The following SLC35F3 variants were observed in gnomAD, a reference collection of about 807,000 sequenced individuals.
The protein encoded by SLC35F3 is putative thiamine transporter SLC35F3.
A neutral mutation model predicts 49.9 loss-of-function variants in SLC35F3; 25 were observed. The ratio of observed to expected loss-of-function variants is 0.50; its 90% CI spans 0.37 to 0.70. The LOEUF is 0.70. Among genes scored for constraint, SLC35F3 ranks in the 30% least tolerant of loss-of-function variants. The probability of loss-of-function intolerance (pLI) is 0.00; values close to 1 mark genes in which losing one functional copy is unlikely to be tolerated. For missense variants in SLC35F3, 525 were observed against 639.8 expected (o/e 0.82, Z 1.94); for synonymous variants, 275 against 265.4 (o/e 1.04, Z -0.35).
rs570753975 is a variant in SLC35F3, at chr1:234,110,506, A to C, written c.284-120911A>C. Among the ~76,000 whole-genome samples the C allele has an allele frequency of 3.3e-5, 5 of 152,268 alleles. 1 individual carries two copies. In the South Asian group the frequency reaches 6.2e-4, roughly 19 times the overall value. On this transcript the variant is annotated intron_variant, in intron 2 of 7. Coordinates refer to ENST00000366618, the MANE Select transcript of SLC35F3 (RefSeq NM_173508.4). ...GTCTTATACACAGTAGGTGTTCAATAAACATTTGCTGAATGAGTGGACAGA... is the reference window on the plus strand; with the variant it reads ...GTCTTATACACAGTAGGTGTTCAATCAACATTTGCTGAATGAGTGGACAGA...
At chr1:234,159,710 T>C (rs541670195) in intron 2 of SLC35F3, among the ~76,000 whole-genome samples, 1 of 152,274 alleles carries the variant, frequency 6.6e-6, no homozygotes, top group South Asian at 2.1e-4. Context: ...CAAAATTTTG[T>C]TTCACATCTG....
chr1:234,037,350 G>A (rs190382174), intron 2 of SLC35F3, among the ~76,000 whole-genome samples: 26 of 152,276 alleles, frequency 1.7e-4, no homozygotes, highest in Non-Finnish European at 3.1e-4. Context: ...TCACTGTCCC[G>A]AGAATGGCAC....
intron 2 of SLC35F3, among the ~76,000 whole-genome samples, chr1:234,043,982 A>T (rs1231010384): frequency 2.6e-5 from 4 of 152,116 alleles, no homozygotes; most frequent in Non-Finnish European, 5.9e-5. Context: ...GTTGAAATTT[A>T]GTTGCCAATG....
intron 3 of SLC35F3, among the ~76,000 whole-genome samples, chr1:234,241,313 A>G (rs976801545): frequency 1.3e-5 from 2 of 152,174 alleles, no homozygotes; most frequent in Non-Finnish European, 2.9e-5. Flanking sequence ...GAATGAGACC[A>G]CGTGTGGAGG....
intron 2 of SLC35F3, among the ~76,000 whole-genome samples, chr1:234,157,378 C>A (rs567555057): frequency 6.6e-6 from 1 of 152,124 alleles, no homozygotes; most frequent in Non-Finnish European, 1.5e-5. Flanking sequence ...TGCTCAGAAC[C>A]GTCCGTGGAC....
chr1:234,032,489 C>G (rs1664078840), intron 2 of SLC35F3, among the ~76,000 whole-genome samples: 1 of 152,086 alleles, frequency 6.6e-6, no homozygotes, highest in Non-Finnish European at 1.5e-5. Context: ...ACACAGAGTA[C>G]AGTTTTATTC....
intron 2 of SLC35F3, chr1:234,212,691 C>T (rs1667060770): frequency 6.6e-6 from 1 of 152,090 alleles, no homozygotes; most frequent in African/African-American, 2.4e-5. Flanking sequence ...AAAACGTGTG[C>T]AATTATTATG....
At chr1:233,926,272 A>G (rs1051305585) in intron 2 of SLC35F3, among the ~76,000 whole-genome samples, 1 of 152,136 alleles carries the variant, frequency 6.6e-6, no homozygotes, top group Non-Finnish European at 1.5e-5. Context: ...AGGTACACCA[A>G]TCAGATGTAA....
intron 3 of SLC35F3, among the ~76,000 whole-genome samples, chr1:234,255,841 T>C (rs1572118384): frequency 6.6e-6 from 1 of 152,232 alleles, no homozygotes. Context: ...TGTATGATAC[T>C]GTAATGGTAG....
chr1:234,057,810 A>G (rs766657855), intron 2 of SLC35F3, among the ~76,000 whole-genome samples: 14 of 152,000 alleles, frequency 9.2e-5, no homozygotes, highest in South Asian at 4.1e-4. Flanking sequence ...GATTGATGCA[A>G]TTCTCCTGCC....
At position 234,194,965 on chromosome 1, in the gene SLC35F3, C is replaced by A. The variant is rs115771443; in HGVS notation, c.284-36452C>A. 3.6e-3 allele frequency among the ~76,000 whole-genome samples: 541 copies of A among 152,322 alleles called. 3 individuals carry two copies. The highest frequency in any genetic ancestry group is 0.012 in the African/African-American group (511 of 41,560). ...GAAAGAGCATATATTTTGGGAGCCA[C>A]TCTTGACCACCATACTTTCAGCATC... On this transcript the variant is annotated intron_variant, in intron 2 of 7. Transcript: ENST00000366618.
chr1:234,081,967 G>C lies in SLC35F3; in HGVS notation c.284-149450G>C, dbSNP rs1239408089. ...AGACAGGGTTTCACCATGTTAGCCAGGATGGTCTCGATCTCCTGAACTCGT... is the reference window on the plus strand; with the variant it reads ...AGACAGGGTTTCACCATGTTAGCCACGATGGTCTCGATCTCCTGAACTCGT... On this transcript the variant is annotated intron_variant, in intron 2 of 7. Transcript: ENST00000366618. Among the ~76,000 whole-genome samples, 4 of 123,602 alleles carry C rather than the reference G, an allele frequency of 3.2e-5. No individual in the cohort carries two copies. The East Asian group carries it at 1.1e-3, about 34-fold the overall frequency. 81.1% of individuals were successfully genotyped at this position (123,602 alleles called of 152,430 possible).
At chr1:234,013,351 G>C (rs989633722) in intron 2 of SLC35F3, among the ~76,000 whole-genome samples, 1 of 152,000 alleles carries the variant, frequency 6.6e-6, no homozygotes, top group South Asian at 2.1e-4. Context: ...GGAATTCTAA[G>C]GAGAAATTTT....
intron 2 of SLC35F3, among the ~76,000 whole-genome samples, chr1:234,101,681 A>G (rs1451601302): frequency 2.6e-5 from 4 of 152,270 alleles, no homozygotes; most frequent in East Asian, 1.9e-4. Context: ...TCTATACCCA[A>G]GAATTCCCAG....
At chr1:234,243,665 A>G (rs1558271442) in intron 3 of SLC35F3, among the ~76,000 whole-genome samples, 2 of 152,216 alleles carry the variant, frequency 1.3e-5, no homozygotes, top group Non-Finnish European at 2.9e-5. Flanking sequence ...CCCAGCTCTC[A>G]GGAGTCCTAA....
intron 3 of SLC35F3, among the ~76,000 whole-genome samples, chr1:234,292,727 T>G (rs1297511331): frequency 6.6e-6 from 1 of 152,218 alleles, no homozygotes; most frequent in Non-Finnish European, 1.5e-5. Context: ...GCCCTTGTTC[T>G]TATGAACTGT....
At chr1:234,204,227 C>T (rs1666939802) in intron 2 of SLC35F3, among the ~76,000 whole-genome samples, 1 of 151,612 alleles carries the variant, frequency 6.6e-6, no homozygotes, top group African/African-American at 2.4e-5. Flanking sequence ...AAAATAGAAA[C>T]GGTGAATAAG....
At chr1:234,111,634 A>T (rs548636878) in intron 2 of SLC35F3, among the ~76,000 whole-genome samples, 5 of 152,312 alleles carry the variant, frequency 3.3e-5, no homozygotes, top group African/African-American at 1.2e-4. Flanking sequence ...AAGAGCCAGC[A>T]GCACAGTGGC....
chr1:233,941,982 G>C (rs1278628699), intron 2 of SLC35F3, among the ~76,000 whole-genome samples: 2 of 118,380 alleles, frequency 1.7e-5, no homozygotes, highest in African/African-American at 6.0e-5. Flanking sequence ...TTTTTTTTTA[G>C]ATGGAGTCTC....
Sources: gnomAD v4.1 joint callset for allele counts (sites outside exome capture counted in the v4.1 genomes callset) on GRCh38, gnomAD v4.1.1 for gene constraint, MANE v1.5 for transcripts, NCBI Gene and HGNC (gene_info 2026-07-23, HGNC 2026-07-21) for gene names.